COL8A1: variants seen among roughly 807,000 people sequenced by gnomAD.
The protein encoded by COL8A1 is collagen alpha-1(VIII) chain.
Under a neutral mutation model 42.7 loss-of-function variants are expected in COL8A1, and 21 were observed. The ratio of observed to expected loss-of-function variants is 0.49; its 90% CI spans 0.35 to 0.71. COL8A1 has a LOEUF of 0.71. Among genes scored for constraint, COL8A1 ranks in the 30% least tolerant of loss-of-function variants. The probability of loss-of-function intolerance (pLI) is 0.01; values close to 1 mark genes in which losing one functional copy is unlikely to be tolerated. For missense variants in COL8A1, 788 were observed against 962.4 expected (o/e 0.82, Z 2.40); for synonymous variants, 367 against 369.1 (o/e 0.99, Z 0.06).
At position 99,794,611 on chromosome 3, in the gene COL8A1, G is replaced by T. The variant is rs147906655; in HGVS notation, c.710G>T (p.Arg237Leu). The T allele has an allele frequency of 6.2e-7, 1 of 1,613,314 alleles. No individual in the cohort carries two copies. The highest frequency in any genetic ancestry group is 1.3e-5 in the African/African-American group (1 of 74,808). Residue 237 changes from arginine (R) to leucine (L), a missense_variant, in exon 4 of 4, where the codon CGG becomes CTG. Coordinates refer to ENST00000652472, the MANE Select transcript of COL8A1 (RefSeq NM_020351.4). The surrounding 1 kb of genome is among the most constrained non-coding windows in gnomAD (Gnocchi z 4.3). ...GGACTACCAGGACCTCAAGGCCTTC[G>T]GGGTCCTAAAGGAGACAAGGGCTTC... ...PKGLPGPQGLRGPKGDKGFGM... is the reference protein window; with the variant it reads ...PKGLPGPQGLLGPKGDKGFGM...
intron 2 of COL8A1, among the ~76,000 whole-genome samples, chr3:99,756,041 G>A (rs1474772466): frequency 1.3e-5 from 2 of 151,938 alleles, no homozygotes; most frequent in African/African-American, 4.8e-5. Flanking sequence ...AACATGATCG[G>A]TGCCCAGTGA....
At chr3:99,757,235 T>C (rs1030898739) in intron 2 of COL8A1, among the ~76,000 whole-genome samples, 3 of 152,194 alleles carry the variant, frequency 2.0e-5, no homozygotes, top group Non-Finnish European at 4.4e-5. Flanking sequence ...TGTTTTTATA[T>C]CAAAATTCAT....
At chr3:99,793,030 A>G (rs940754649) in intron 3 of COL8A1, among the ~76,000 whole-genome samples, 1 of 152,188 alleles carries the variant, frequency 6.6e-6, no homozygotes, top group African/African-American at 2.4e-5. Context: ...AGGAAGAAAA[A>G]TCCTGCATAT....
intron 1 of COL8A1, among the ~76,000 whole-genome samples, chr3:99,658,310 C>G (rs563133839): frequency 6.6e-6 from 1 of 152,140 alleles, no homozygotes; most frequent in South Asian, 2.1e-4. Context: ...TGTCAGATCT[C>G]TTAATTTTTA....
intron 1 of COL8A1, among the ~76,000 whole-genome samples, chr3:99,720,505 AATTTT>A (rs1470465340): frequency 6.6e-6 from 1 of 152,088 alleles, no homozygotes; most frequent in Non-Finnish European, 1.5e-5. Flanking sequence ...TGCCAATCTG[AATTTT>A]TCTTTCTCAG....
chr3:99,654,804 A>G (rs1050488058), intron 1 of COL8A1, among the ~76,000 whole-genome samples: 2 of 152,108 alleles, frequency 1.3e-5, no homozygotes, highest in Non-Finnish European at 2.9e-5. Context: ...AAAAAGCACA[A>G]TGTGAGAATA....
At chr3:99,743,005 C>A (rs1940936942) in intron 1 of COL8A1, among the ~76,000 whole-genome samples, 1 of 152,156 alleles carries the variant, frequency 6.6e-6, no homozygotes, top group Non-Finnish European at 1.5e-5. Flanking sequence ...CAACACTAAG[C>A]ATTATACTTT....
chr3:99,762,891 C>G (rs942128676), intron 2 of COL8A1, among the ~76,000 whole-genome samples: 28 of 152,166 alleles, frequency 1.8e-4, no homozygotes, highest in African/African-American at 5.8e-4. Flanking sequence ...ACCAAAGGCT[C>G]CTCTTGGCCC....
At chr3:99,676,990 G>A (rs1394034270) in intron 1 of COL8A1, among the ~76,000 whole-genome samples, 1 of 151,906 alleles carries the variant, frequency 6.6e-6, no homozygotes, top group Non-Finnish European at 1.5e-5. Context: ...GGCCAAGGCA[G>A]GTGGATCACT....
rs566534399 is a variant in COL8A1, at chr3:99,668,492, T to A, written c.-129+29828T>A. Among the ~76,000 whole-genome samples the A allele has an allele frequency of 1.1e-4, 16 of 152,218 alleles. 1 individual carries two copies. The South Asian group carries it at 2.7e-3, about 26-fold the overall frequency. On this transcript the variant is annotated intron_variant, in intron 1 of 3. Coordinates refer to ENST00000652472, the MANE Select transcript of COL8A1 (RefSeq NM_020351.4). ...AAATATACCAGACTTAAAAAGAATA[T>A]AGAAACATATCGAAGATCAAGTCAT...
At chr3:99,731,427 G>A (rs1940506334) in intron 1 of COL8A1, among the ~76,000 whole-genome samples, 1 of 152,074 alleles carries the variant, frequency 6.6e-6, no homozygotes. Context: ...AGTGTGGCCA[G>A]GGTGGAGGAT....
At chr3:99,691,281 T>G (rs1408227343) in intron 1 of COL8A1, 1 of 152,184 alleles carries the variant, frequency 6.6e-6, no homozygotes, top group Non-Finnish European at 1.5e-5. Context: ...AGAAGCCATA[T>G]GAGAGATGTA....
At chr3:99,686,078 A>T (rs1939041771) in intron 1 of COL8A1, among the ~76,000 whole-genome samples, 1 of 152,224 alleles carries the variant, frequency 6.6e-6, no homozygotes. Context: ...GTAACCAAGC[A>T]TCAACTCACT....
intron 2 of COL8A1, among the ~76,000 whole-genome samples, chr3:99,786,466 G>C (rs1397589405): frequency 6.6e-6 from 1 of 152,056 alleles, no homozygotes; most frequent in Non-Finnish European, 1.5e-5. Flanking sequence ...ACCAGAAAGT[G>C]GGTCTTCACT....
At position 99,796,072 on chromosome 3, in the gene COL8A1, C is replaced by CA; in HGVS notation, c.2172dup (p.Gly725ArgfsTer39). On this transcript the variant is annotated frameshift_variant, in exon 4 of 4. Coordinates refer to ENST00000652472, the MANE Select transcript of COL8A1 (RefSeq NM_020351.4). LOFTEE classifies it high-confidence loss of function. ...CTCCAGATGCCCTCAGAACAGGCTG[C>CA]AGGACTGTATGCCGGGCAGTATGTC... The CA allele has an allele frequency of 6.2e-7, 1 of 1,601,108 alleles. No individual in the cohort carries two copies. The highest frequency in any genetic ancestry group is 8.5e-7 in the Non-Finnish European group (1 of 1,170,860).
intron 2 of COL8A1, among the ~76,000 whole-genome samples, chr3:99,779,474 T>A (rs1011526041): frequency 2.6e-5 from 4 of 152,178 alleles, no homozygotes; most frequent in Non-Finnish European, 5.9e-5. Flanking sequence ...AACCTGCTGC[T>A]ATCACCTGGC....
chr3:99,693,364 C>T (rs930264494), intron 1 of COL8A1, among the ~76,000 whole-genome samples: 1 of 152,148 alleles, frequency 6.6e-6, no homozygotes, highest in African/African-American at 2.4e-5. Context: ...AAAACAGCCT[C>T]AGGCAGGTTT....
intron 1 of COL8A1, among the ~76,000 whole-genome samples, chr3:99,671,207 A>G (rs146484029): frequency 2.8e-4 from 43 of 152,182 alleles, no homozygotes; most frequent in African/African-American, 1.0e-3. Flanking sequence ...AAGTAAGTTT[A>G]TGTGATTTCA....
At chr3:99,690,292 T>C (rs1331513082) in intron 1 of COL8A1, among the ~76,000 whole-genome samples, 4 of 152,208 alleles carry the variant, frequency 2.6e-5, no homozygotes, top group Non-Finnish European at 5.9e-5. Context: ...TAAAGGAAAA[T>C]ATATATTAAT....
Sources: gnomAD v4.1 joint callset for allele counts (sites outside exome capture counted in the v4.1 genomes callset) on GRCh38, gnomAD v4.1.1 for gene constraint, Gnocchi (gnomAD v3.1) non-coding constraint, MANE v1.5 for transcripts, NCBI Gene and HGNC (gene_info 2026-07-23, HGNC 2026-07-21) for gene names.